The following FRAS1 variants were observed in gnomAD, a reference collection of about 807,000 sequenced individuals.
FRAS1 encodes the protein Fraser extracellular matrix complex subunit 1, also known as extracellular matrix organizing protein FRAS1.
FRAS1 carries 290 observed loss-of-function variants against 435.2 expected under a neutral mutation model. That is an observed-to-expected ratio of 0.67 (90% confidence interval 0.61 to 0.73). FRAS1 has a LOEUF of 0.73. Ranked by LOEUF, FRAS1 falls within the 30% of genes least tolerant of loss-of-function variation. The pLI is 0.00. For synonymous variants in FRAS1, 1,800 were observed against 1,851.0 expected (o/e 0.97, Z 0.71); for missense variants, 4,860 against 5,001.5 (o/e 0.97, Z 0.85).
In FRAS1 at chr4:78,429,216, C is replaced by T; in HGVS notation, c.4833C>T (p.Ser1611=). 6.2e-7 allele frequency: 1 copy of T among 1,607,400 alleles called. No homozygotes were observed. Among genetic ancestry groups the T allele is most frequent in the Non-Finnish European group, 8.5e-7 (1 of 1,177,200 alleles). The change falls in exon 36 of 74, where the codon AGC becomes AGT. Residue 1611 remains serine, a synonymous_variant. Coordinates refer to ENST00000512123, the MANE Select transcript of FRAS1 (RefSeq NM_025074.7). ...APRLAVSPGG[S]TSVGLQVVVR... ...GGCTGGCGGTCAGCCCAGGAGGCAG[C>T]ACTTCTGTAGGTAAGAACTGGGAGC...
At chr4:78,465,792 G>A (rs773242794) in intron 49 of FRAS1, among the ~76,000 whole-genome samples, 1 of 152,128 alleles carries the variant, frequency 6.6e-6, no homozygotes, top group Admixed American at 6.6e-5. Flanking sequence ...TTCTTTCTGC[G>A]GGTCACCAGA....
chr4:78,373,078 C>G (rs10004649), intron 24 of FRAS1, among the ~76,000 whole-genome samples: 115 of 152,230 alleles, frequency 7.6e-4, no homozygotes, highest in African/African-American at 2.7e-3. Context: ...ATATGGGAAT[C>G]TTGGGCATAT....
chr4:78,426,858 T>G (rs1734015444), intron 35 of FRAS1, among the ~76,000 whole-genome samples: 1 of 152,250 alleles, frequency 6.6e-6, no homozygotes, highest in Non-Finnish European at 1.5e-5. Context: ...TAGCTAGTTA[T>G]GTAATATGCA....
chr4:78,306,780 A>C (rs1728736642), intron 14 of FRAS1, among the ~76,000 whole-genome samples: 1 of 151,832 alleles, frequency 6.6e-6, no homozygotes, highest in African/African-American at 2.4e-5. Flanking sequence ...TTTTTTTTCA[A>C]AGTTTTCAAC....
rs186324224 is a variant in FRAS1, at chr4:78,452,919, G to T, written c.6763+565G>T. Among the ~76,000 whole-genome samples the T allele has an allele frequency of 3.7e-4, 56 of 152,344 alleles. 1 individual carries two copies. The highest frequency in any genetic ancestry group is 3.7e-3 in the Admixed American group (56 of 15,302). On this transcript the variant is annotated intron_variant, in intron 47 of 73. Coordinates refer to ENST00000512123, the MANE Select transcript of FRAS1 (RefSeq NM_025074.7). ...CATGGTGTTGTAGGAGTTTAAAAGT[G>T]GGAGAGGCTACATTGGGTGAGAAAG...
At chr4:78,429,260 T>G (rs776580968) in intron 36 of FRAS1, 34 bp downstream of exon 36, 108 of 1,586,012 alleles carry the variant, frequency 6.8e-5, no homozygotes, top group Non-Finnish European at 8.7e-5. Flanking sequence ...AACATGGCTT[T>G]GGAAATGGGA....
At chr4:78,339,805 C>T (rs965296068) in intron 20 of FRAS1, among the ~76,000 whole-genome samples, 6 of 152,180 alleles carry the variant, frequency 3.9e-5, no homozygotes, top group African/African-American at 1.2e-4. Flanking sequence ...GCAATAGGGC[C>T]ATGAGAGTTT....
intron 58 of FRAS1, among the ~76,000 whole-genome samples, chr4:78,485,763 C>T (rs1307712195): frequency 1.3e-5 from 2 of 152,082 alleles, no homozygotes; most frequent in African/African-American, 4.8e-5. Flanking sequence ...AATTAAAATC[C>T]AAGTCTGCTC....
intron 2 of FRAS1, among the ~76,000 whole-genome samples, chr4:78,229,148 A>G (rs1724404535): frequency 6.6e-6 from 1 of 152,168 alleles, no homozygotes; most frequent in African/African-American, 2.4e-5. Flanking sequence ...CATTAATACC[A>G]TCAGTTACAA....
At chr4:78,101,992 C>T (rs1192997414) in intron 2 of FRAS1, among the ~76,000 whole-genome samples, 3 of 152,162 alleles carry the variant, frequency 2.0e-5, no homozygotes, top group Non-Finnish European at 2.9e-5. Flanking sequence ...TTAATACCTC[C>T]ATATTATACT....
intron 65 of FRAS1, among the ~76,000 whole-genome samples, chr4:78,514,795 AGT>A (rs1721153603): frequency 1.3e-5 from 2 of 152,138 alleles, no homozygotes; most frequent in Admixed American, 1.3e-4. Flanking sequence ...AGCCGGGTGC[AGT>A]GGCTCATGCC....
At chr4:78,377,525 C>T (rs544859949) in intron 26 of FRAS1, among the ~76,000 whole-genome samples, 148 of 152,214 alleles carry the variant, frequency 9.7e-4, no homozygotes, top group African/African-American at 3.1e-3. Context: ...TTGCAGGAGA[C>T]GGGATAAATT....
At chr4:78,141,567 G>T (rs965868848) in intron 2 of FRAS1, among the ~76,000 whole-genome samples, 4 of 152,132 alleles carry the variant, frequency 2.6e-5, no homozygotes, top group South Asian at 2.1e-4. Flanking sequence ...GGAGAGGAAA[G>T]GTCCAAAAGC....
intron 58 of FRAS1, among the ~76,000 whole-genome samples, chr4:78,487,076 T>G (rs1295366174): frequency 6.6e-6 from 1 of 152,166 alleles, no homozygotes; most frequent in Non-Finnish European, 1.5e-5. Context: ...CTGCTTGTAT[T>G]GCTTTTTCCC....
chr4:78,364,244 C>T (rs777417327), intron 22 of FRAS1, among the ~76,000 whole-genome samples, 190 bp downstream of exon 22: 1 of 152,192 alleles, frequency 6.6e-6, no homozygotes, highest in Non-Finnish European at 1.5e-5. Flanking sequence ...TCAGCCTAAT[C>T]AAAAGTGCTG....
At chr4:78,404,611 C>T (rs1336673003) in intron 30 of FRAS1, among the ~76,000 whole-genome samples, 1 of 152,146 alleles carries the variant, frequency 6.6e-6, no homozygotes, top group Non-Finnish European at 1.5e-5. Context: ...GTCATCTATC[C>T]CAATAGGTGA....
intron 32 of FRAS1, among the ~76,000 whole-genome samples, chr4:78,418,699 C>T (rs796397572): frequency 1.3e-5 from 2 of 152,218 alleles, no homozygotes; most frequent in South Asian, 2.1e-4. Context: ...CGTAACCCTG[C>T]GGGCAGTTGG....
Position 78,514,861 on chromosome 4 carries a change from G to A in FRAS1, c.10175-938G>A, listed in dbSNP as rs531734257. Among the ~76,000 whole-genome samples the A allele has an allele frequency of 9.9e-5, 15 of 152,198 alleles. No homozygotes were observed. In the South Asian group the frequency reaches 2.5e-3, roughly 25 times the overall value. On this transcript the variant is annotated intron_variant, in intron 65 of 73. Transcript: ENST00000512123. ...GCGGGTGGATTGCCTGAGCTTAGGAGTTTGAGACCAGCCTGGGGAACACAG... is the reference window on the plus strand; with the variant it reads ...GCGGGTGGATTGCCTGAGCTTAGGAATTTGAGACCAGCCTGGGGAACACAG...
intron 2 of FRAS1, among the ~76,000 whole-genome samples, chr4:78,152,546 C>G (rs17002978): frequency 0.091 from 13,241 of 145,270 alleles, 825 homozygotes; most frequent in African/African-American, 0.17. Context: ...CAAACATTTT[C>G]AATTCAAGAA....
Sources: gnomAD v4.1 joint callset for allele counts (sites outside exome capture counted in the v4.1 genomes callset) on GRCh38, gnomAD v4.1.1 for gene constraint, MANE v1.5 for transcripts, NCBI Gene and HGNC (gene_info 2026-07-23, HGNC 2026-07-21) for gene names.